LYPLAL1: variants seen among roughly 807,000 people sequenced by gnomAD.
LYPLAL1 encodes the protein lysophospholipase-like protein 1.
LYPLAL1 carries 23 observed loss-of-function variants against 19.7 expected under a neutral mutation model. The ratio of observed to expected loss-of-function variants is 1.17; its 90% CI spans 0.84 to 1.65. LYPLAL1 has a LOEUF of 1.65. Ranked by LOEUF, LYPLAL1 falls within the 40% of genes most tolerant of loss-of-function variation. LYPLAL1 has a pLI of 0.00. For synonymous variants in LYPLAL1, 119 were observed against 96.3 expected, an observed-to-expected ratio of 1.24 and a Z score of -1.38; for missense variants, 355 against 279.4, an observed-to-expected ratio of 1.27 and a Z score of -1.93.
chr1:219,208,710 T>A (rs1381297661), intron 3 of LYPLAL1, among the ~76,000 whole-genome samples: 2 of 152,044 alleles, frequency 1.3e-5, no homozygotes, highest in East Asian at 1.9e-4. Context: ...CTCAATAATT[T>A]ATATTCAATA....
the LYPLAL1 span, among the ~76,000 whole-genome samples, chr1:219,260,728 A>G: frequency 2.9e-4 from 43 of 150,362 alleles, 1 homozygote; most frequent in African/African-American, 9.9e-4. Context: ...ACACACACAT[A>G]TACATATATA....
chr1:219,262,528 C>A, the LYPLAL1 span, among the ~76,000 whole-genome samples: 41 of 152,294 alleles, frequency 2.7e-4, 1 homozygote, highest in African/African-American at 9.1e-4. Context: ...ATAGGGTGAT[C>A]CCTTGATGTA....
chr1:219,440,024 C>CATATATAT, the LYPLAL1 span, among the ~76,000 whole-genome samples: 4 of 132,388 alleles, frequency 3.0e-5, no homozygotes, highest in Non-Finnish European at 4.7e-5. Context: ...CACACACACA[C>CATATATAT]ATATATATAT....
chr1:219,249,847 T>C, the LYPLAL1 span, among the ~76,000 whole-genome samples: 70,576 of 151,766 alleles, frequency 0.47, 16,785 homozygotes, highest in East Asian at 0.66. Flanking sequence ...TTTTCTAAAG[T>C]GTCTGCTCAT....
At chr1:219,211,468 C>G in intron 4 of LYPLAL1, 24 bp from the exon 5 acceptor site, 2 of 1,413,078 alleles carry the variant, frequency 1.4e-6, no homozygotes, top group African/African-American at 2.9e-5. Flanking sequence ...TTAAACTTTT[C>G]TGTCTTTGTA....
chr1:219,348,805 C>G, the LYPLAL1 span, among the ~76,000 whole-genome samples: 2 of 152,226 alleles, frequency 1.3e-5, no homozygotes, highest in South Asian at 2.1e-4. Flanking sequence ...TGCTATATAT[C>G]AGAAACTTCC....
the LYPLAL1 span, among the ~76,000 whole-genome samples, chr1:219,266,037 C>A: frequency 1.3e-4 from 20 of 152,080 alleles, no homozygotes; most frequent in Admixed American, 1.3e-3. Context: ...CTGTAGACTT[C>A]ATCAACACTC....
At chr1:219,307,764 G>A in the LYPLAL1 span, among the ~76,000 whole-genome samples, 10 of 152,282 alleles carry the variant, frequency 6.6e-5, no homozygotes, top group Non-Finnish European at 8.8e-5. Flanking sequence ...TCTCATGGTA[G>A]TGAACAAGTC....
chr1:219,194,356 A>G (rs1326239824), intron 3 of LYPLAL1, among the ~76,000 whole-genome samples: 2 of 152,002 alleles, frequency 1.3e-5, no homozygotes, highest in Non-Finnish European at 2.9e-5. Flanking sequence ...AGAAGATAGA[A>G]TTCCAAACAT....
chr1:219,334,118 T>G, the LYPLAL1 span, among the ~76,000 whole-genome samples: 7 of 152,140 alleles, frequency 4.6e-5, no homozygotes, highest in Non-Finnish European at 1.0e-4. Flanking sequence ...TATCATAGAA[T>G]CCCAAGGCTT....
At chr1:219,294,513 T>G in the LYPLAL1 span, among the ~76,000 whole-genome samples, 1 of 152,220 alleles carries the variant, frequency 6.6e-6, no homozygotes, top group Non-Finnish European at 1.5e-5. Context: ...ATTTGAATCC[T>G]TTGCTTTTGC....
At chr1:219,412,898 TATG>T in the LYPLAL1 span, among the ~76,000 whole-genome samples, 8 of 152,240 alleles carry the variant, frequency 5.3e-5, no homozygotes, top group African/African-American at 1.7e-4. Flanking sequence ...AGACCTCTGG[TATG>T]ATGAGTTGGC....
chr1:219,188,817 T>C (rs1656927846), intron 2 of LYPLAL1, among the ~76,000 whole-genome samples: 1 of 151,728 alleles, frequency 6.6e-6, no homozygotes, highest in Non-Finnish European at 1.5e-5. Context: ...TGGTAATGTC[T>C]GAGGAGTTTT....
chr1:219,346,231 G>A, the LYPLAL1 span, among the ~76,000 whole-genome samples: 4 of 152,090 alleles, frequency 2.6e-5, no homozygotes, highest in East Asian at 7.7e-4. Context: ...TATACAGCAA[G>A]GAAGGAGTGT....
intron 2 of LYPLAL1, among the ~76,000 whole-genome samples, chr1:219,182,484 C>A (rs1656372834): frequency 6.6e-6 from 1 of 152,078 alleles, no homozygotes; most frequent in Non-Finnish European, 1.5e-5. Flanking sequence ...ATTCTGGTGT[C>A]ATCTACCTTG....
chr1:219,287,687 C>A, the LYPLAL1 span, among the ~76,000 whole-genome samples: 2 of 152,138 alleles, frequency 1.3e-5, no homozygotes, highest in Non-Finnish European at 1.5e-5. Context: ...AGTTTCTTAC[C>A]AAACTAAACA....
At chr1:219,333,852 C>G in the LYPLAL1 span, among the ~76,000 whole-genome samples, 1 of 151,984 alleles carries the variant, frequency 6.6e-6, no homozygotes, top group East Asian at 1.9e-4. Flanking sequence ...CACCAGCTAG[C>G]ACCTTGTCCA....
the LYPLAL1 span, among the ~76,000 whole-genome samples, chr1:219,406,984 G>T: frequency 0.1 from 15,738 of 152,164 alleles, 812 homozygotes; most frequent in African/African-American, 0.12. Context: ...GAATTCAAAG[G>T]CATGATGGTT....
chr1:219,372,005 G>C, the LYPLAL1 span, among the ~76,000 whole-genome samples: 1 of 152,140 alleles, frequency 6.6e-6, no homozygotes, highest in Non-Finnish European at 1.5e-5. Flanking sequence ...GCCTATCCCT[G>C]TTCCTTGAAC....
Sources: allele counts gnomAD v4.1 joint callset (sites outside exome capture counted in the v4.1 genomes callset), GRCh38; gene constraint gnomAD v4.1.1; transcripts MANE v1.5; gene names NCBI Gene and HGNC (gene_info 2026-07-23, HGNC 2026-07-21).